Variants in FGA observed in about 807,000 individuals in gnomAD.
The protein encoded by FGA is fibrinogen, A alpha polypeptide.
FGA carries 20 observed loss-of-function variants against 20.3 expected under a neutral mutation model. The observed-to-expected ratio is 0.99, with a 90% CI of 0.69 to 1.43. The LOEUF is 1.43. Ranked by LOEUF, FGA falls within the 40% of genes most tolerant of loss-of-function variation. The pLI is 0.00. For synonymous variants in FGA, 306 were observed against 281.6 expected (o/e 1.09, Z -0.87); for missense variants, 777 against 784.7 (o/e 0.99, Z 0.12).
chr4:154,584,475 G>A, downstream of FGA: 1 of 1,614,178 alleles, frequency 6.2e-7, no homozygotes, highest in Non-Finnish European at 8.5e-7. Flanking sequence ...GGAGGGCATA[G>A]CCTTCAGCCT....
rs752970242 is a variant in FGA at position 154,586,307 on chromosome 4, G to C, written c.1122C>G (p.Thr374=). 20 of 1,614,058 alleles carry C rather than the reference G, an allele frequency of 1.2e-5. No homozygotes were observed. Among genetic ancestry groups the C allele is most frequent in the Non-Finnish European group, 1.7e-5 (20 of 1,180,022 alleles). ...TACTACCAGATACAGAGCTCTCAGA[G>C]GTCCAGTGCCCAGCACTTCCGCGTT... ...SSERGSAGHW[T]SESSVSGSTG... Residue 374 remains threonine (T), a synonymous_variant, in exon 5 of 5, where the codon ACC becomes ACG. Coordinates refer to ENST00000403106, the MANE Select transcript of FGA (RefSeq NM_021871.4).
In FGA at chr4:154,588,825, T is replaced by C. The variant is rs1335815165; in HGVS notation, c.332A>G (p.Glu111Gly). 1.2e-6 allele frequency: 2 copies of C among 1,612,096 alleles called. No homozygotes were observed. Among genetic ancestry groups the C allele is most frequent in the Middle Eastern group, 3.9e-4 (2 of 5,166 alleles). ...TGAGGAAAAATCGCCTCTCAAAATT[T>C]CCATTATATTAGTGGTCAACGAATG... ...DSHSLTTNIM[E>G]ILRGDFSSAN... Residue 111 changes from glutamate (E) to glycine (G), a missense_variant, in exon 3 of 5, where the codon GAA becomes GGA. Glu to Gly is a moderately conservative substitution (Grantham distance 98, BLOSUM62 -2). Coordinates refer to ENST00000403106, the MANE Select transcript of FGA (RefSeq NM_021871.4).
At chr4:154,583,521 A>G (rs182043987), downstream of FGA, 8 of 152,386 alleles carry the variant, frequency 5.2e-5, no homozygotes, top group African/African-American at 1.9e-4. Context: ...TGTGCATTAC[A>G]ACGTCTAGTG....
intron 1 of FGA, among the ~76,000 whole-genome samples, chr4:154,590,255 A>C (rs1730835470): frequency 6.6e-6 from 1 of 152,216 alleles, no homozygotes; most frequent in Non-Finnish European, 1.5e-5. Context: ...TTAATAACTA[A>C]AGAAAACAAA....
downstream of FGA, chr4:154,584,879 C>A: frequency 1.4e-6 from 2 of 1,411,828 alleles, no homozygotes; most frequent in Non-Finnish European, 9.9e-7. Flanking sequence ...TCTCATTTAA[C>A]TTTACAAAGA....
chr4:154,586,385 GT>G lies in FGA; in HGVS notation c.1043del (p.Asn348ThrfsTer73). ...TACTACCAGGTCTAGGGCTCCCAGG[GT>G]TTTGGTTTCCAGTACTTCCAGTTCC... Reference protein sequence around the residue: ...SSGTGSTGNQNPGSPRPGSTG... With the variant: ...SSGTGSTGNQXPGSPRPGSTG... On this transcript the variant is annotated frameshift_variant, in exon 5 of 5. Coordinates refer to ENST00000403106, the MANE Select transcript of FGA (RefSeq NM_021871.4). LOFTEE classifies it low-confidence loss of function (END_TRUNC). 1 of 1,614,150 alleles carries G rather than the reference GT, an allele frequency of 6.2e-7. No homozygotes were observed. Among genetic ancestry groups the G allele is most frequent in the Non-Finnish European group, 8.5e-7 (1 of 1,180,020 alleles).
downstream of FGA, chr4:154,584,225 G>A: frequency 3.1e-6 from 5 of 1,608,966 alleles, no homozygotes; most frequent in Non-Finnish European, 4.2e-6. Flanking sequence ...ATCTCATAAG[G>A]ACTGTTATTC....
intron 1 of FGA, among the ~76,000 whole-genome samples, chr4:154,590,080 G>A (rs1260401101): frequency 2.0e-5 from 3 of 152,092 alleles, no homozygotes; most frequent in Non-Finnish European, 4.4e-5. Context: ...CCATTACTGC[G>A]GAAAAGCGTA....
Position 154,589,356 on chromosome 4 carries a change from T to G in FGA, c.180+81A>C. ...CAATTATTTTCTATTTAAAAAAGTT[T>G]CTGGGACCAATCAGGTCAGCCTGTG... On this transcript the variant is annotated intron_variant, in intron 2 of 4. Transcript: ENST00000403106. 3 of 1,559,658 alleles carry G rather than the reference T, an allele frequency of 1.9e-6. No individual in the cohort carries two copies. The Admixed American group carries it at 5.0e-5, about 26-fold the overall frequency.
chr4:154,584,637 G>A (rs1024393205), downstream of FGA: 11 of 1,613,956 alleles, frequency 6.8e-6, no homozygotes, highest in African/African-American at 4.0e-5. Context: ...TCAGGCTGCC[G>A]AAACCTCTCT....
intron 4 of FGA, 77 bp from the exon 5 acceptor site, chr4:154,586,995 T>G: frequency 6.9e-7 from 1 of 1,445,852 alleles, no homozygotes; most frequent in Non-Finnish European, 9.5e-7. Flanking sequence ...TCCTGGTAGT[T>G]AATTTTCCTT....
At position 154,586,429 on chromosome 4, in the gene FGA, A is replaced by G. The variant is rs764255790; in HGVS notation, c.1000T>C (p.Trp334Arg). Reference protein sequence around the residue: ...GSSGPGSTGSWNSGSSGTGST... With the variant: ...GSSGPGSTGSRNSGSSGTGST... The stretch of plus-strand genomic sequence containing the variant: ...CCAGTTCCAGAGCTCCCAGAGTTCC[A>G]GCTTCCAGTACTTCCAGGTCCAGAG... The change falls in exon 5 of 5, where the codon TGG becomes CGG. Residue 334 changes from tryptophan (W) to arginine (R), a missense_variant. Coordinates refer to ENST00000403106, the MANE Select transcript of FGA (RefSeq NM_021871.4). 2 of 1,611,386 alleles carry G rather than the reference A, an allele frequency of 1.2e-6. No individual in the cohort carries two copies. Among genetic ancestry groups the G allele is most frequent in the African/African-American group, 2.7e-5 (2 of 74,772 alleles).
rs756004130 is a variant in FGA, at chr4:154,586,484, A to T, written c.945T>A (p.Thr315=). Residue 315 remains threonine, a synonymous_variant, in exon 5 of 5, where the codon ACT becomes ACA. Coordinates refer to ENST00000403106, the MANE Select transcript of FGA (RefSeq NM_021871.4). ...CAGGTTTCCAGGTTGCAGTCCCTCCAGTCCCAGAGCTCCCAGGGTTTCGGT... is the reference window on the plus strand; with the variant it reads ...CAGGTTTCCAGGTTGCAGTCCCTCCTGTCCCAGAGCTCCCAGGGTTTCGGT... ...TGNRNPGSSG[T]GGTATWKPGS... is the part of the protein sequence containing the mutation. 6.2e-7 allele frequency: 1 copy of T among 1,613,912 alleles called. No individual in the cohort carries two copies. The highest frequency in any genetic ancestry group is 1.1e-5 in the South Asian group (1 of 91,062).
At chr4:154,584,092 A>G, downstream of FGA, 1 of 1,543,578 alleles carries the variant, frequency 6.5e-7, no homozygotes, top group South Asian at 1.1e-5. Context: ...CTAGCAAAGA[A>G]GACAGAGTGC....
Position 154,586,764 on chromosome 4 carries a change from GGTAA to G in FGA, c.661_664del (p.Leu221HisfsTer2). On this transcript the variant is annotated frameshift_variant, in exon 5 of 5. Coordinates refer to ENST00000403106, the MANE Select transcript of FGA (RefSeq NM_021871.4). LOFTEE classifies it low-confidence loss of function (END_TRUNC). ...TGGAACTGGTTTCATTTTTATCAGTGGTAAGTGTTGCCTATCTCTAGAGGGAAGT... is the reference window on the plus strand; with the variant it reads ...TGGAACTGGTTTCATTTTTATCAGTGGTGTTGCCTATCTCTAGAGGGAAGT... 1 of 1,614,118 alleles carries G rather than the reference GGTAA, an allele frequency of 6.2e-7. No homozygotes were observed. The highest frequency in any genetic ancestry group is 8.5e-7 in the Non-Finnish European group (1 of 1,180,012).
chr4:154,583,823 C>T (rs1025012654), downstream of FGA: 1 of 356,928 alleles, frequency 2.8e-6, no homozygotes, highest in African/African-American at 2.1e-5. Flanking sequence ...AACCAATAGT[C>T]TTCAAGGTTG....
In FGA at chr4:154,585,959, G is replaced by C. The variant is rs1335171406; in HGVS notation, c.1470C>G (p.Asp490Glu). The change falls in exon 5 of 5, where the codon GAC becomes GAG. Residue 490 changes from aspartate to glutamate, a missense_variant. Asp to Glu is a conservative substitution (Grantham distance 45). Transcript: ENST00000403106. ...TGCCTAAATCCATTGCCTCGGGACA[G>C]TCAGAACCATCTTCGGAGGTCACCA... Reference protein sequence around the residue: ...KEVVTSEDGSDCPEAMDLGTL... With the variant: ...KEVVTSEDGSECPEAMDLGTL... 10 of 1,614,088 alleles carry C rather than the reference G, an allele frequency of 6.2e-6. No homozygotes were observed. The highest frequency in any genetic ancestry group is 5.3e-5 in the African/African-American group (4 of 74,934).
rs943735468 is a variant in FGA at position 154,586,637 on chromosome 4, A to T, written c.792T>A (p.Pro264=). ...MPQMRMELER[P]GGNEITRGGS... is the part of the protein sequence containing the mutation. ...CTCCTCGAGTAATCTCATTTCCACC[A>T]GGTCTCTCTAACTCCATTCTCATCT... is the stretch of plus-strand genomic sequence containing the variant. The change falls in exon 5 of 5, where the codon CCT becomes CCA. Residue 264 remains proline, a synonymous_variant. Coordinates refer to ENST00000403106, the MANE Select transcript of FGA (RefSeq NM_021871.4). 3.7e-6 allele frequency: 6 copies of T among 1,613,962 alleles called. No individual in the cohort carries two copies. The highest frequency in any genetic ancestry group is 5.1e-6 in the Non-Finnish European group (6 of 1,179,994).
chr4:154,583,796 G>A (rs2070022), downstream of FGA: 46,665 of 267,466 alleles, frequency 0.17, 4,668 homozygotes, highest in Admixed American at 0.31. Flanking sequence ...TGGGTGGTAT[G>A]GGAAGAGAAG....
Sources: gnomAD v4.1 joint callset for allele counts (sites outside exome capture counted in the v4.1 genomes callset) on GRCh38, gnomAD v4.1.1 for gene constraint, MANE v1.5 for transcripts, NCBI Gene and HGNC (gene_info 2026-07-23, HGNC 2026-07-21) for gene names.